SPON1: variants seen among roughly 807,000 people sequenced by gnomAD.
SPON1 encodes spondin 1.
Under a neutral mutation model 111.7 loss-of-function variants are expected in SPON1, and 52 were observed. That is an observed-to-expected ratio of 0.47 (90% CI 0.37 to 0.59). The LOEUF is 0.59. Ranked by LOEUF, SPON1 falls within the 20% of genes least tolerant of loss-of-function variation. The pLI, the probability that SPON1 is intolerant of heterozygous loss-of-function variation, is 0.00. For missense variants in SPON1, 957 were observed against 1,068.5 expected, an observed-to-expected ratio of 0.90 and a Z score of 1.46; for synonymous variants, 410 against 395.8, an observed-to-expected ratio of 1.04 and a Z score of -0.43.
chr11:14,132,212 A>T (rs1327967182), intron 5 of SPON1, among the ~76,000 whole-genome samples: 1 of 152,008 alleles, frequency 6.6e-6, no homozygotes, highest in Non-Finnish European at 1.5e-5. Flanking sequence ...TGGGAGGCAG[A>T]GGTTGCAGTG....
chr11:14,096,226 A>G (rs1849099964), intron 5 of SPON1, among the ~76,000 whole-genome samples: 1 of 152,188 alleles, frequency 6.6e-6, no homozygotes, highest in Admixed American at 6.5e-5. Flanking sequence ...AGGAAAGTCC[A>G]TGATCACATT....
At chr11:14,037,690 C>T (rs1272028980) in intron 2 of SPON1, among the ~76,000 whole-genome samples, 2 of 152,066 alleles carry the variant, frequency 1.3e-5, no homozygotes, top group Non-Finnish European at 2.9e-5. Flanking sequence ...TTTTTAAGTA[C>T]AACACCAAAA....
chr11:14,052,421 G>A (rs1564894250), intron 3 of SPON1, among the ~76,000 whole-genome samples: 1 of 152,218 alleles, frequency 6.6e-6, no homozygotes, highest in African/African-American at 2.4e-5. Context: ...TTACCCCACA[G>A]TTTTTCTGGC....
intron 6 of SPON1, among the ~76,000 whole-genome samples, chr11:14,147,751 C>CTT (rs66888680): frequency 6.9e-5 from 10 of 145,702 alleles, no homozygotes; most frequent in East Asian, 2.0e-4. Flanking sequence ...AATACTAAGA[C>CTT]TTTTTTTTTT....
At position 14,261,963 on chromosome 11, in the gene SPON1, C is replaced by CTGACTTTGGCCTTGCAAGACCAACAGAG. The variant is rs1325259545; in HGVS notation, c.1997-748_1997-721dup. ...AATGAGGACATCTAAGTCCACCACC[C>CTGACTTTGGCCTTGCAAGACCAACAGAG]TGACTTTGGCCTTGCAAGACCAACA... is the stretch of plus-strand genomic sequence containing the variant. On this transcript the variant is annotated intron_variant, in intron 14 of 15. Coordinates refer to ENST00000576479, the MANE Select transcript of SPON1 (RefSeq NM_006108.4). 4.5e-4 allele frequency among the ~76,000 whole-genome samples: 68 copies of CTGACTTTGGCCTTGCAAGACCAACAGAG among 152,310 alleles called. 1 individual carries two copies. The highest frequency in any genetic ancestry group is 1.6e-3 in the African/African-American group (68 of 41,562).
rs1848761705 is a variant in SPON1 at position 14,058,138 on chromosome 11, G to T, written c.479+16484G>T. On this transcript the variant is annotated intron_variant, in intron 3 of 15. Coordinates refer to ENST00000576479, the MANE Select transcript of SPON1 (RefSeq NM_006108.4). ...TCTCCCTGGCTTTTTTCTCTCAGAA[G>T]GTTGGGCCAAGATTTTGATGAGAAG... 2.0e-5 allele frequency among the ~76,000 whole-genome samples: 3 copies of T among 152,084 alleles called. No homozygotes were observed. The South Asian group carries it at 6.2e-4, about 32-fold the overall frequency.
chr11:14,006,502 A>G (rs1359917297), intron 2 of SPON1, among the ~76,000 whole-genome samples: 1 of 152,202 alleles, frequency 6.6e-6, no homozygotes, highest in Non-Finnish European at 1.5e-5. Context: ...GATGAATGCC[A>G]CAGACATCAA....
chr11:14,177,915 A>G (rs6486175), intron 6 of SPON1, among the ~76,000 whole-genome samples: 152,313 of 152,324 alleles, frequency 1, 76,151 homozygotes, highest in Middle Eastern at 1. Context: ...TCCCTGACAC[A>G]TGTAAGAATT....
intron 6 of SPON1, among the ~76,000 whole-genome samples, chr11:14,190,917 G>A (rs1848340550): frequency 6.6e-6 from 1 of 151,936 alleles, no homozygotes; most frequent in African/African-American, 2.4e-5. Context: ...GGGATTACAG[G>A]CATGAGCCAC....
rs1480628198 is a variant in SPON1, at chr11:14,030,448, GCCAATGGTGCTC to G, written c.346-11072_346-11061del. On this transcript the variant is annotated intron_variant, in intron 2 of 15. Coordinates refer to ENST00000576479, the MANE Select transcript of SPON1 (RefSeq NM_006108.4). ...CCACATGCCCGGTGCCAGAGGGTCC[GCCAATGGTGCTC>G]GTGGCCACGTCACCTCCCCCACAAT... Among the ~76,000 whole-genome samples the G allele has an allele frequency of 2.0e-5, 3 of 152,156 alleles. No individual in the cohort carries two copies. The East Asian group carries it at 5.8e-4, about 29-fold the overall frequency.
chr11:14,249,686 G>A (rs1554940522), intron 7 of SPON1, among the ~76,000 whole-genome samples: 2 of 152,326 alleles, frequency 1.3e-5, no homozygotes, highest in Admixed American at 6.5e-5. Flanking sequence ...GTCTCTAGAA[G>A]CAGTATCAAA....
chr11:13,991,963 C>T (rs1319840768), intron 2 of SPON1, among the ~76,000 whole-genome samples: 2 of 152,162 alleles, frequency 1.3e-5, no homozygotes, highest in Non-Finnish European at 2.9e-5. Context: ...TGCCAGATGC[C>T]AGCCAGAGCT....
chr11:14,120,775 G>A (rs1201969726), intron 5 of SPON1, among the ~76,000 whole-genome samples: 1 of 152,130 alleles, frequency 6.6e-6, no homozygotes, highest in Admixed American at 6.5e-5. Context: ...TTTCTTGTGT[G>A]CCAGGAACTG....
At chr11:13,979,043 A>G (rs560885680) in intron 1 of SPON1, among the ~76,000 whole-genome samples, 36 of 152,320 alleles carry the variant, frequency 2.4e-4, no homozygotes, top group African/African-American at 7.9e-4. Context: ...ATTACTATAA[A>G]TTGTTGGCTT....
At chr11:14,150,912 T>C (rs554263420) in intron 6 of SPON1, among the ~76,000 whole-genome samples, 117 of 152,312 alleles carry the variant, frequency 7.7e-4, no homozygotes, top group Non-Finnish European at 2.9e-5. Flanking sequence ...ACCTCCTTTC[T>C]TGTCTTCCTC....
chr11:14,228,000 T>G (rs1034881517), intron 6 of SPON1, among the ~76,000 whole-genome samples: 31 of 152,218 alleles, frequency 2.0e-4, no homozygotes, highest in Admixed American at 2.0e-3. Flanking sequence ...ATAGCTCTCT[T>G]AAGATGATAA....
intron 2 of SPON1, among the ~76,000 whole-genome samples, chr11:14,021,051 C>T (rs782531335): frequency 1.3e-5 from 2 of 152,078 alleles, no homozygotes; most frequent in Non-Finnish European, 2.9e-5. Context: ...AATGAGGTTA[C>T]AGAATATCAC....
Position 14,135,485 on chromosome 11 carries a change from T to C in SPON1, c.742T>C (p.Tyr248His), listed in dbSNP as rs782658465. 2.5e-6 allele frequency: 4 copies of C among 1,613,864 alleles called. No individual in the cohort carries two copies. Among genetic ancestry groups the C allele is most frequent in the Non-Finnish European group, 3.4e-6 (4 of 1,179,804 alleles). Residue 248 changes from tyrosine to histidine, a missense_variant, in exon 6 of 16, where the codon TAT becomes CAT. Around this residue, in one of 5 missense-constraint regions of SPON1, gnomAD observed 122 missense variants for 143.2 expected, o/e 0.85. Transcript: ENST00000576479. The surrounding 1 kb of genome is among the most constrained non-coding windows in gnomAD (Gnocchi z 4.4). The stretch of plus-strand genomic sequence containing the variant: ...CTCCAAGAATTATGTACTGTGGGAA[T>C]ATGGAGGATATGCCAGCGAAGGCGT... ...SHSKNYVLWE[Y>H]GGYASEGVKQ...
intron 3 of SPON1, among the ~76,000 whole-genome samples, chr11:14,047,713 A>G (rs1336939174): frequency 6.6e-6 from 1 of 152,168 alleles, no homozygotes; most frequent in South Asian, 2.1e-4. Context: ...TATTCCAGGT[A>G]AAAGGGGTGG....
Sources: allele counts gnomAD v4.1 joint callset (sites outside exome capture counted in the v4.1 genomes callset), GRCh38; gene constraint gnomAD v4.1.1; regional missense constraint gnomAD v4.1.1; non-coding constraint Gnocchi (gnomAD v3.1); transcripts MANE v1.5; gene names NCBI Gene and HGNC (gene_info 2026-07-23, HGNC 2026-07-21).